Variants in CDH1 observed in about 807,000 individuals in gnomAD.
CDH1 encodes cadherin-1.
In CDH1, 35 loss-of-function variants were observed where a neutral mutation model predicts 84.5. The ratio of observed to expected loss-of-function variants is 0.41; its 90% confidence interval spans 0.32 to 0.55. The LOEUF (loss-of-function observed/expected upper bound fraction) is 0.55, where lower values mean the gene tolerates loss of function less well. Ranked by LOEUF, CDH1 falls within the 20% of genes least tolerant of loss-of-function variation. The pLI is 0.19. For missense variants in CDH1, 994 were observed against 1,126.6 expected, an observed-to-expected ratio of 0.88 and a Z score of 1.68; for synonymous variants, 417 against 439.0, an observed-to-expected ratio of 0.95 and a Z score of 0.63.
intron 2 of CDH1, among the ~76,000 whole-genome samples, chr16:68,782,158 A>T (rs1030882540): frequency 1.4e-4 from 22 of 152,146 alleles, no homozygotes; most frequent in African/African-American, 5.1e-4. Flanking sequence ...CCCCACAGGC[A>T]AGGGACCACC....
intron 2 of CDH1, among the ~76,000 whole-genome samples, chr16:68,768,981 A>G (rs1228295848): frequency 6.6e-6 from 1 of 152,130 alleles, no homozygotes; most frequent in Non-Finnish European, 1.5e-5. Flanking sequence ...AAACTGCCCC[A>G]GTTCTCAGCA....
chr16:68,757,739 TTC>T (rs1309877358), intron 2 of CDH1, among the ~76,000 whole-genome samples: 1 of 150,560 alleles, frequency 6.6e-6, no homozygotes, highest in Non-Finnish European at 1.5e-5. Flanking sequence ...CTTTCTTTCT[TTC>T]TCTCTCTCTT....
At chr16:68,758,203 A>ATTTGT in intron 2 of CDH1, among the ~76,000 whole-genome samples, 1 of 26,254 alleles carries the variant, frequency 3.8e-5, no homozygotes, top group Admixed American at 3.7e-4. Context: ...GCTTCTTTTT[A>ATTTGT]TTTCTTTTTT....
intron 2 of CDH1, among the ~76,000 whole-genome samples, chr16:68,765,987 C>T (rs1027966571): frequency 2.0e-5 from 3 of 152,104 alleles, no homozygotes; most frequent in East Asian, 3.9e-4. Flanking sequence ...CGGCCAGGCA[C>T]GGTGGCTCAT....
At chr16:68,781,435 G>C (rs1331009894) in intron 2 of CDH1, among the ~76,000 whole-genome samples, 3 of 152,102 alleles carry the variant, frequency 2.0e-5, no homozygotes, top group Non-Finnish European at 4.4e-5. Flanking sequence ...GACCTCCTGG[G>C]CTCAAGCAAT....
intron 2 of CDH1, 74 bp downstream of exon 2, chr16:68,738,485 C>G: frequency 9.7e-7 from 1 of 1,031,686 alleles, no homozygotes; most frequent in Non-Finnish European, 1.4e-6. Context: ...TGCACTCCCA[C>G]ACCCCTGGGT....
At chr16:68,785,094 G>C (rs1567493707) in intron 2 of CDH1, among the ~76,000 whole-genome samples, 2 of 152,002 alleles carry the variant, frequency 1.3e-5, no homozygotes, top group Non-Finnish European at 2.9e-5. Context: ...GTTCTAATAA[G>C]GTGCCTCCCC....
At chr16:68,770,102 G>A (rs1411239504) in intron 2 of CDH1, among the ~76,000 whole-genome samples, 1 of 151,240 alleles carries the variant, frequency 6.6e-6, no homozygotes, top group Non-Finnish European at 1.5e-5. Flanking sequence ...GTCCTTTCTT[G>A]GCTACTATTA....
intron 2 of CDH1, among the ~76,000 whole-genome samples, chr16:68,793,322 G>A (rs1179168011): frequency 2.6e-5 from 4 of 152,160 alleles, no homozygotes; most frequent in African/African-American, 9.7e-5. Flanking sequence ...CCTGGAACTG[G>A]ATTTCCAAGG....
At chr16:68,783,686 A>T (rs1178860959) in intron 2 of CDH1, among the ~76,000 whole-genome samples, 1 of 151,344 alleles carries the variant, frequency 6.6e-6, no homozygotes, top group Non-Finnish European at 1.5e-5. Context: ...TATTTTATTT[A>T]TTTTTTTTGA....
At chr16:68,771,511 TG>T (rs1318122203) in intron 2 of CDH1, among the ~76,000 whole-genome samples, 2 of 151,854 alleles carry the variant, frequency 1.3e-5, no homozygotes, top group African/African-American at 2.4e-5. Context: ...CCCAGCACTT[TG>T]GGAGGTGGAG....
chr16:68,745,793 G>A (rs1045108830), intron 2 of CDH1, among the ~76,000 whole-genome samples: 1 of 151,528 alleles, frequency 6.6e-6, no homozygotes, highest in South Asian at 2.1e-4. Context: ...AATCTCCAAG[G>A]GTGGAGATCT....
chr16:68,780,683 T>C (rs1959851172), intron 2 of CDH1, among the ~76,000 whole-genome samples: 1 of 152,160 alleles, frequency 6.6e-6, no homozygotes, highest in Admixed American at 6.5e-5. Context: ...ACAGTGCTGA[T>C]GAATCAGGAG....
At chr16:68,768,038 C>T (rs530613867) in intron 2 of CDH1, among the ~76,000 whole-genome samples, 1 of 152,182 alleles carries the variant, frequency 6.6e-6, no homozygotes, top group South Asian at 2.1e-4. Flanking sequence ...TCACTGCAAC[C>T]TCCGCCTCCC....
chr16:68,762,516 C>G (rs1195051158), intron 2 of CDH1, among the ~76,000 whole-genome samples: 2 of 152,156 alleles, frequency 1.3e-5, no homozygotes, highest in Admixed American at 6.6e-5. Context: ...CTTTTGGGGA[C>G]TTTTGCAGTG....
chr16:68,759,492 T>C (rs1963105338), intron 2 of CDH1, among the ~76,000 whole-genome samples: 1 of 147,190 alleles, frequency 6.8e-6, no homozygotes. Context: ...TCTTTCTTTT[T>C]TTTTTTTTTT....
rs561678294 is a variant in CDH1 at position 68,782,876 on chromosome 16, A to G, written c.164-18794A>G. ...GTTCCTCTTAGAGCATGACTCTTGG[A>G]AAAAAAACAGCACTTATCATTGAGG... On this transcript the variant is annotated intron_variant, in intron 2 of 15. Transcript: ENST00000261769. Among the ~76,000 whole-genome samples the G allele has an allele frequency of 3.3e-4, 50 of 152,030 alleles. No homozygotes were observed. The South Asian group carries it at 4.8e-3, about 15-fold the overall frequency.
chr16:68,794,329 C>T (rs935799700), intron 2 of CDH1, among the ~76,000 whole-genome samples: 2 of 152,066 alleles, frequency 1.3e-5, no homozygotes, highest in African/African-American at 4.8e-5. Flanking sequence ...CATGAGCCAC[C>T]ATACCTGGCC....
Position 68,778,126 on chromosome 16 carries a change from C to A in CDH1, c.164-23544C>A, listed in dbSNP as rs959584701. 2.6e-5 allele frequency among the ~76,000 whole-genome samples: 4 copies of A among 152,158 alleles called. No individual in the cohort carries two copies. In the South Asian group the frequency reaches 8.3e-4, roughly 32 times the overall value. ...GCAGTGGTGCAATCTCAGTCCCCTGCAACCTCCACCTCCCGGGTTCAAGCA... is the reference window on the plus strand; with the variant it reads ...GCAGTGGTGCAATCTCAGTCCCCTGAAACCTCCACCTCCCGGGTTCAAGCA... On this transcript the variant is annotated intron_variant, in intron 2 of 15. Transcript: ENST00000261769.
Sources: gnomAD v4.1 joint callset for allele counts (sites outside exome capture counted in the v4.1 genomes callset) on GRCh38, gnomAD v4.1.1 for gene constraint, MANE v1.5 for transcripts, NCBI Gene and HGNC (gene_info 2026-07-23, HGNC 2026-07-21) for gene names.